Variants in CRB1 observed in about 807,000 individuals in gnomAD.
The protein encoded by CRB1 is crumbs cell polarity complex component 1, also known as protein crumbs homolog 1.
A neutral mutation model predicts 120.0 loss-of-function variants in CRB1; 83 were observed. The ratio of observed to expected loss-of-function variants is 0.69; its 90% confidence interval spans 0.58 to 0.83. The LOEUF is 0.83. Among genes scored for constraint, CRB1 ranks in the 40% least tolerant of loss-of-function variants. The pLI is 0.00. For synonymous variants in CRB1, 625 were observed against 612.5 expected (o/e 1.02, Z -0.30); for missense variants, 1,699 against 1,687.6 (o/e 1.01, Z -0.12).
intron 5 of CRB1, among the ~76,000 whole-genome samples, chr1:197,364,585 T>G (rs1199622112): frequency 6.6e-6 from 1 of 152,118 alleles, no homozygotes; most frequent in Non-Finnish European, 1.5e-5. Flanking sequence ...TGTTTCAGTC[T>G]ATTTTCTGCC....
At chr1:197,442,635 A>G (rs922120558) in intron 11 of CRB1, 3 of 945,704 alleles carry the variant, frequency 3.2e-6, no homozygotes. Context: ...TTCTTAATAT[A>G]ACTAGAAATA....
intron 5 of CRB1, among the ~76,000 whole-genome samples, chr1:197,406,848 A>G (rs1279895646): frequency 6.6e-6 from 1 of 152,190 alleles, no homozygotes; most frequent in Non-Finnish European, 1.5e-5. Context: ...AAATATTTAC[A>G]TATTAATTAC....
intron 8 of CRB1, among the ~76,000 whole-genome samples, chr1:197,432,874 A>C (rs945631667): frequency 6.6e-6 from 1 of 152,052 alleles, no homozygotes; most frequent in Non-Finnish European, 1.5e-5. Context: ...AGATCTGGGG[A>C]AATAATATTC....
In CRB1 at chr1:197,434,731, A is replaced by T. The variant is rs1359395833; in HGVS notation, c.2868A>T (p.Gly956=). ...FECIANAVFN[G]QSGQILFRSN... Reference sequence around the variant, plus strand: ...GTATTGCAAATGCTGTTTTTAATGGACAAAGCGGTCAAATATTATTCAGAA... The same window carrying T: ...GTATTGCAAATGCTGTTTTTAATGGTCAAAGCGGTCAAATATTATTCAGAA... Residue 956 remains glycine, a synonymous_variant, in exon 9 of 12, where the codon GGA becomes GGT. Transcript: ENST00000367400. The T allele has an allele frequency of 4.3e-6, 7 of 1,613,404 alleles. No homozygotes were observed. The highest frequency in any genetic ancestry group is 5.9e-6 in the Non-Finnish European group (7 of 1,179,600).
At chr1:197,347,300 A>C (rs368747600) in intron 3 of CRB1, 40 bp from the exon 4 acceptor site, 66 of 1,580,818 alleles carry the variant, frequency 4.2e-5, no homozygotes, top group South Asian at 3.7e-4. Context: ...TGATCTCAAT[A>C]TGACTAAGAG....
chr1:197,396,999 A>T (rs989602764), intron 5 of CRB1, among the ~76,000 whole-genome samples: 6 of 152,162 alleles, frequency 3.9e-5, no homozygotes, highest in African/African-American at 1.4e-4. Context: ...TTAAAAAAAT[A>T]AGAAGACAAA....
the CRB1 span, among the ~76,000 whole-genome samples, chr1:197,237,366 C>T: frequency 6.6e-6 from 1 of 152,104 alleles, no homozygotes; most frequent in Non-Finnish European, 1.5e-5. Flanking sequence ...CTGGTGAGAG[C>T]CTCTTTCTCA....
At chr1:197,397,521 TTTC>T (rs1662832048) in intron 5 of CRB1, among the ~76,000 whole-genome samples, 1 of 152,188 alleles carries the variant, frequency 6.6e-6, no homozygotes, top group Non-Finnish European at 1.5e-5. Context: ...CAAATGATTA[TTTC>T]TTCTTTACTC....
In CRB1 at chr1:197,427,818, C is replaced by T. The variant is rs2125484854; in HGVS notation, c.2493C>T (p.Tyr831=). The change falls in exon 7 of 12, where the codon TAC becomes TAT. Residue 831 remains tyrosine (Y), a synonymous_variant. Coordinates refer to ENST00000367400, the MANE Select transcript of CRB1 (RefSeq NM_201253.3). ...TWKIEKGDVI[Y]IGGLPDKQET... is the part of the protein sequence containing the mutation. ...AAATCGAAAAGGGAGATGTCATCTACATTGGTGGCCTACCTGACAAGCAAG... is the reference window on the plus strand; with the variant it reads ...AAATCGAAAAGGGAGATGTCATCTATATTGGTGGCCTACCTGACAAGCAAG... 1 of 1,614,074 alleles carries T rather than the reference C, an allele frequency of 6.2e-7. No homozygotes were observed. Among genetic ancestry groups the T allele is most frequent in the Non-Finnish European group, 8.5e-7 (1 of 1,179,984 alleles).
intron 1 of CRB1, among the ~76,000 whole-genome samples, chr1:197,295,421 A>T (rs1358681985): frequency 6.6e-6 from 1 of 152,082 alleles, no homozygotes; most frequent in African/African-American, 2.4e-5. Context: ...GATATCCAGC[A>T]GGTTAGAGCA....
intron 5 of CRB1, among the ~76,000 whole-genome samples, chr1:197,391,963 C>T (rs1662527978): frequency 1.3e-5 from 2 of 151,650 alleles, no homozygotes; most frequent in South Asian, 4.2e-4. Context: ...ACTTGGGGGG[C>T]CCAGTGCAAA....
intron 5 of CRB1, among the ~76,000 whole-genome samples, chr1:197,399,387 T>C (rs1662944079): frequency 6.6e-6 from 1 of 152,122 alleles, no homozygotes; most frequent in Non-Finnish European, 1.5e-5. Context: ...TCAAATAGGG[T>C]TGCAGCATTA....
intron 5 of CRB1, among the ~76,000 whole-genome samples, chr1:197,396,837 A>G (rs1662797217): frequency 6.6e-6 from 1 of 152,182 alleles, no homozygotes; most frequent in African/African-American, 2.4e-5. Context: ...CTCAGATTTA[A>G]TATAAAACTT....
In CRB1 at chr1:197,344,311, G is replaced by A. The variant is rs1163013240; in HGVS notation, c.683G>A (p.Cys228Tyr). 6.2e-7 allele frequency: 1 copy of A among 1,614,172 alleles called. No homozygotes were observed. Among genetic ancestry groups the A allele is most frequent in the Non-Finnish European group, 8.5e-7 (1 of 1,180,026 alleles). Residue 228 changes from cysteine to tyrosine, a missense_variant, in exon 3 of 12, where the codon TGT becomes TAT. Transcript: ENST00000367400. ...AACTGTGAATTGGAAATTGACGAAT[G>A]TTGGTCCCAGCCTTGTTTAAATGGT... ...GVNCELEIDECWSQPCLNGAT... is the reference protein window; with the variant it reads ...GVNCELEIDEYWSQPCLNGAT...
chr1:197,432,269 T>C (rs905160990), intron 8 of CRB1, among the ~76,000 whole-genome samples: 5 of 151,844 alleles, frequency 3.3e-5, no homozygotes, highest in African/African-American at 9.7e-5. Context: ...ATTTTGGAGA[T>C]TTTTTATTTT....
At chr1:197,229,428 T>A in the CRB1 span, among the ~76,000 whole-genome samples, 1 of 151,668 alleles carries the variant, frequency 6.6e-6, no homozygotes, top group South Asian at 2.1e-4. Flanking sequence ...TCTTTTCCCT[T>A]CCCCCAATCT....
chr1:197,342,261 T>C (rs117755661), intron 2 of CRB1, among the ~76,000 whole-genome samples: 18 of 152,316 alleles, frequency 1.2e-4, no homozygotes, highest in East Asian at 7.7e-4. Context: ...CTTTCTACTA[T>C]TGAATTTTTA....
the CRB1 span, among the ~76,000 whole-genome samples, chr1:197,203,884 G>A: frequency 6.6e-6 from 1 of 151,926 alleles, no homozygotes; most frequent in East Asian, 1.9e-4. Context: ...TGAGATTTTG[G>A]TGCACCCATC....
chr1:197,461,538 G>A (rs1013216905), intron 11 of CRB1, among the ~76,000 whole-genome samples: 11 of 152,236 alleles, frequency 7.2e-5, no homozygotes, highest in South Asian at 2.1e-4. Context: ...AGAAGAGTAG[G>A]CTGCATCCTG....
Sources: allele counts gnomAD v4.1 joint callset (sites outside exome capture counted in the v4.1 genomes callset), GRCh38; gene constraint gnomAD v4.1.1; transcripts MANE v1.5; gene names NCBI Gene and HGNC (gene_info 2026-07-23, HGNC 2026-07-21).